Variants in CCZ1 observed in about 807,000 individuals in gnomAD.
The protein encoded by CCZ1 is CCZ1 vacuolar protein trafficking and biogenesis associated.
A neutral mutation model predicts 57.8 loss-of-function variants in CCZ1; 19 were observed. That is an observed-to-expected ratio of 0.33 (90% CI 0.23 to 0.48). CCZ1 has a LOEUF of 0.48. Ranked by LOEUF, CCZ1 falls within the 20% of genes least tolerant of loss-of-function variation. The pLI is 0.99. For missense variants in CCZ1, 200 were observed against 492.0 expected, an observed-to-expected ratio of 0.41 and a Z score of 5.61; for synonymous variants, 81 against 167.0, an observed-to-expected ratio of 0.49 and a Z score of 3.97.
chr7:5,902,881 G>A lies in CCZ1; in HGVS notation c.522+137G>A, dbSNP rs184411215. On this transcript the variant is annotated intron_variant, in intron 6 of 14. Transcript: ENST00000325974. Reference sequence around the variant, plus strand: ...GGCAAAGAGCCTGAGACAGACCGTCGCAAAACTGGAGCAGCGAGGAAACGC... The same window carrying A: ...GGCAAAGAGCCTGAGACAGACCGTCACAAAACTGGAGCAGCGAGGAAACGC... 3.7e-4 allele frequency: 412 copies of A among 1,123,830 alleles called. 1 individual carries two copies. In the African/African-American group the frequency reaches 6.0e-3, roughly 16 times the overall value. 69.6% of individuals were successfully genotyped at this position (1,123,830 alleles called of 1,614,324 possible). A position where few individuals can be genotyped will look rare whatever the true frequency, so the allele number is the denominator to read the frequency against.
chr7:5,906,699 C>A (rs1327575330), intron 7 of CCZ1, among the ~76,000 whole-genome samples: 2 of 149,482 alleles, frequency 1.3e-5, no homozygotes, highest in Non-Finnish European at 2.9e-5. Flanking sequence ...AAAGGCAAAA[C>A]TAGTTCCCCT....
chr7:5,925,324 CCT>C (rs1246279755), intron 14 of CCZ1, among the ~76,000 whole-genome samples: 1 of 117,266 alleles, frequency 8.5e-6, no homozygotes, highest in Non-Finnish European at 1.8e-5. Flanking sequence ...ATGGCGAAAC[CCT>C]GTCTCTACCA....
intron 7 of CCZ1, among the ~76,000 whole-genome samples, chr7:5,909,657 C>G (rs1027396015): frequency 3.4e-5 from 5 of 147,352 alleles, no homozygotes; most frequent in Admixed American, 2.7e-4. Context: ...CATGATCGCA[C>G]CACTGCTTCC....
At chr7:5,902,865 C>G (rs6973988) in intron 6 of CCZ1, 121 bp downstream of exon 6, 1 of 1,250,776 alleles carries the variant, frequency 8.0e-7, no homozygotes, top group Non-Finnish European at 1.1e-6. Flanking sequence ...TGGCAAAGAG[C>G]CTGAGACAGA....
At chr7:5,903,882 C>G (rs1342345663) in intron 6 of CCZ1, among the ~76,000 whole-genome samples, 2 of 144,060 alleles carry the variant, frequency 1.4e-5, no homozygotes, top group African/African-American at 2.7e-5. Context: ...GTAATCCCAG[C>G]TATTCTGGAG....
chr7:5,900,580 C>T lies in CCZ1; in HGVS notation c.312+14C>T, dbSNP rs752730347. 3 of 1,597,088 alleles carry T rather than the reference C, an allele frequency of 1.9e-6. No homozygotes were observed. The highest frequency in any genetic ancestry group is 2.6e-6 in the Non-Finnish European group (3 of 1,176,338). ...TGGATGGTCATGGTATTTACATACA[C>T]AGTGTATCTTTCTGAAATTGTATGG... On this transcript the variant is annotated intron_variant, in intron 3 of 14. Transcript: ENST00000325974.
chr7:5,907,504 C>T (rs1781860476), intron 7 of CCZ1, among the ~76,000 whole-genome samples: 1 of 147,638 alleles, frequency 6.8e-6, no homozygotes, highest in African/African-American at 2.5e-5. Context: ...AACACAAGCC[C>T]CGCCATGGGT....
In CCZ1 at chr7:5,905,060, T is replaced by A. The variant is rs777428497; in HGVS notation, c.523-34T>A. 38 of 1,586,362 alleles carry A rather than the reference T, an allele frequency of 2.4e-5. 1 individual carries two copies. Among genetic ancestry groups the A allele is most frequent in the Non-Finnish European group, 3.3e-5 (38 of 1,168,156 alleles). ...AGGAGCATTATATTCAGTGTACTAT[T>A]AGTAAATTTTATGCCTTATTTTTTT... On this transcript the variant is annotated intron_variant, in intron 6 of 14. Transcript: ENST00000325974.
chr7:5,912,917 A>G lies in CCZ1; in HGVS notation c.917A>G (p.Asp306Gly), dbSNP rs1483034465. ...TTCCCCAAAATTTTTGTAAATACAG[A>G]TGACACTTATGAAGAGCTCCATTTA... ...CRFPKIFVNT[D>G]DTYEELHLIV... Residue 306 changes from aspartate to glycine, a missense_variant, in exon 10 of 15, where the codon GAT becomes GGT. Transcript: ENST00000325974. The G allele has an allele frequency of 1.2e-5, 20 of 1,600,866 alleles. No homozygotes were observed. The highest frequency in any genetic ancestry group is 1.6e-5 in the Non-Finnish European group (19 of 1,172,844).
intron 8 of CCZ1, among the ~76,000 whole-genome samples, chr7:5,911,231 G>A (rs1781971487): frequency 6.7e-6 from 1 of 148,950 alleles, no homozygotes; most frequent in East Asian, 2.2e-4. Flanking sequence ...ATATCACTGT[G>A]TTCTCCCCAA....
intron 7 of CCZ1, among the ~76,000 whole-genome samples, chr7:5,908,149 C>T (rs1781879058): frequency 7.0e-6 from 1 of 143,186 alleles, no homozygotes; most frequent in Middle Eastern, 3.4e-3. Flanking sequence ...TTGCTTATTC[C>T]AAAGCTGTTA....
At position 5,903,357 on chromosome 7, in the gene CCZ1, G is replaced by A. The variant is rs1315120741; in HGVS notation, c.522+613G>A. The stretch of plus-strand genomic sequence containing the variant: ...TGTTTTGCCCAGGCTGGTTTCAAGC[G>A]ATCTTCCCTCCTTGGCCTCCCAAAG... On this transcript the variant is annotated intron_variant, in intron 6 of 14. Coordinates refer to ENST00000325974, the MANE Select transcript of CCZ1 (RefSeq NM_015622.6). 2.1e-5 allele frequency among the ~76,000 whole-genome samples: 3 copies of A among 143,934 alleles called. 1 individual carries two copies. The highest frequency in any genetic ancestry group is 4.7e-4 in the East Asian group (2 of 4,222). 94.4% of individuals were successfully genotyped at this position (143,934 alleles called of 152,430 possible). A position where few individuals can be genotyped will look rare whatever the true frequency, so the allele number is the denominator to read the frequency against.
At chr7:5,905,056 C>A (rs62453583) in intron 6 of CCZ1, 38 bp from the exon 7 acceptor site, 255,580 of 1,575,432 alleles carry the variant, frequency 0.16, 28,970 homozygotes, top group Non-Finnish European at 0.18. Flanking sequence ...ATTCAGTGTA[C>A]TATTAGTAAA....
Position 5,908,314 on chromosome 7 carries a change from GA to G in CCZ1, c.699-1712del, listed in dbSNP as rs1287861256. On this transcript the variant is annotated intron_variant, in intron 7 of 14. Coordinates refer to ENST00000325974, the MANE Select transcript of CCZ1 (RefSeq NM_015622.6). ...GAGGCTCTGTCTCTACCAAAAAGTG[GA>G]AAAAAAAACTTGTCACAAGCAGAGT... 4.3e-5 allele frequency among the ~76,000 whole-genome samples: 5 copies of G among 116,948 alleles called. 1 individual carries two copies. Among genetic ancestry groups the G allele is most frequent in the Non-Finnish European group, 9.3e-5 (5 of 53,872 alleles). The allele number at this position is 116,948 out of a possible 152,430, so 76.7% of individuals were successfully genotyped here. A position where few individuals can be genotyped will look rare whatever the true frequency, so the allele number is the denominator to read the frequency against.
At chr7:5,915,321 G>T (rs1285443425) in intron 10 of CCZ1, among the ~76,000 whole-genome samples, 1 of 148,946 alleles carries the variant, frequency 6.7e-6, no homozygotes, top group Non-Finnish European at 1.5e-5. Context: ...GGAGTAGGAA[G>T]AATGTCCGTT....
intron 1 of CCZ1, among the ~76,000 whole-genome samples, chr7:5,899,330 GGGGGGTGTGT>G (rs1238485899): frequency 0.02 from 978 of 47,794 alleles, 11 homozygotes; most frequent in South Asian, 0.033. Flanking sequence ...AATTTCGGGA[GGGGGGTGTGT>G]GTGTGTGTGT....
chr7:5,903,817 C>T (rs1222607644), intron 6 of CCZ1, among the ~76,000 whole-genome samples: 3 of 146,808 alleles, frequency 2.0e-5, no homozygotes, highest in Non-Finnish European at 3.0e-5. Context: ...CATGGTGAAA[C>T]CTCATCTCTA....
intron 8 of CCZ1, among the ~76,000 whole-genome samples, chr7:5,910,874 T>G (rs562052844): frequency 6.8e-6 from 1 of 147,298 alleles, no homozygotes; most frequent in African/African-American, 2.5e-5. Context: ...TAGCTGAGAT[T>G]ATAGGCACCT....
rs1380552695 is a variant in CCZ1 at position 5,911,969 on chromosome 7, T to C, written c.842+47T>C. Reference sequence around the variant, plus strand: ...TTATGATACTGGGTTTTCTTTCTTTTTTGACTCAGAGTCTGGCTCTGTTAC... The same window carrying C: ...TTATGATACTGGGTTTTCTTTCTTTCTTGACTCAGAGTCTGGCTCTGTTAC... On this transcript the variant is annotated intron_variant, in intron 9 of 14. Coordinates refer to ENST00000325974, the MANE Select transcript of CCZ1 (RefSeq NM_015622.6). 6.1e-6 allele frequency: 9 copies of C among 1,483,024 alleles called. No individual in the cohort carries two copies. In the African/African-American group the frequency reaches 1.2e-4, roughly 19 times the overall value. The allele number at this position is 1,483,024 out of a possible 1,614,324, so 91.9% of individuals were successfully genotyped here. A position where few individuals can be genotyped will look rare whatever the true frequency, so the allele number is the denominator to read the frequency against.
Sources: gnomAD v4.1 joint callset for allele counts (sites outside exome capture counted in the v4.1 genomes callset) on GRCh38, gnomAD v4.1.1 for gene constraint, MANE v1.5 for transcripts, NCBI Gene and HGNC (gene_info 2026-07-23, HGNC 2026-07-21) for gene names.